TNFAIP2: variants seen among roughly 807,000 people sequenced by gnomAD.
TNFAIP2 encodes the protein TNF alpha induced protein 2, also known as tumor necrosis factor alpha-induced protein 2.
A neutral mutation model predicts 63.5 loss-of-function variants in TNFAIP2; 47 were observed. That is an observed-to-expected ratio of 0.74 (90% CI 0.59 to 0.94). The LOEUF is 0.94. TNFAIP2 is among the 40% of genes least tolerant of loss of function. The probability of loss-of-function intolerance (pLI) is 0.00; values close to 1 mark genes in which losing one functional copy is unlikely to be tolerated. For synonymous variants in TNFAIP2, 405 were observed against 390.2 expected, an observed-to-expected ratio of 1.04 and a Z score of -0.45; for missense variants, 787 against 850.2, an observed-to-expected ratio of 0.93 and a Z score of 0.92.
chr14:103,126,403 G>A lies in TNFAIP2; in HGVS notation c.-55G>A. 7.3e-7 allele frequency: 1 copy of A among 1,367,566 alleles called. No individual in the cohort carries two copies. Among genetic ancestry groups the A allele is most frequent in the Non-Finnish European group, 9.9e-7 (1 of 1,007,200 alleles). 84.7% of individuals were successfully genotyped at this position (1,367,566 alleles called of 1,614,324 possible). A position where few individuals can be genotyped will look rare whatever the true frequency, so the allele number is the denominator to read the frequency against. On this transcript the variant is annotated 5_prime_UTR_variant, in exon 2 of 12. Coordinates refer to ENST00000560869, the MANE Select transcript of TNFAIP2 (RefSeq NM_006291.4). ...AGCCTGTGCCAGGCACCCTCGACTT[G>A]CCTAGAGGCCCCCAAAAGTTGCAGT...
chr14:103,124,162 G>A (rs1195979241), intron 1 of TNFAIP2, among the ~76,000 whole-genome samples: 1 of 152,214 alleles, frequency 6.6e-6, no homozygotes, highest in African/African-American at 2.4e-5. Flanking sequence ...CAGGACACAG[G>A]AGACTCACCC....
intron 9 of TNFAIP2, 89 bp downstream of exon 9, chr14:103,132,961 C>A: frequency 6.4e-7 from 1 of 1,564,840 alleles, no homozygotes; most frequent in Non-Finnish European, 8.7e-7. Context: ...CACTCACGCA[C>A]ATGTGCTCAC....
At chr14:103,122,570 C>A, upstream of TNFAIP2, 1 of 435,728 alleles carries the variant, frequency 2.3e-6, no homozygotes, top group Non-Finnish European at 4.7e-6. Flanking sequence ...CCTTTCCATC[C>A]TCCCCACATG....
In TNFAIP2 at chr14:103,129,832, C is replaced by A; in HGVS notation, c.953C>A (p.Ala318Asp). Reference sequence around the variant, plus strand: ...CCCAGGCAGATCCGACTGCTGGAGGCCACATTCCTGTCCAGTGAGGCGGTG... The same window carrying A: ...CCCAGGCAGATCCGACTGCTGGAGGACACATTCCTGTCCAGTGAGGCGGTG... ...LPPRQIRLLE[A>D]TFLSSEAANV... Residue 318 changes from alanine (A) to aspartate (D), a missense_variant, in exon 4 of 12, where the codon GCC becomes GAC. Ala to Asp is a moderately radical substitution (Grantham distance 126, BLOSUM62 -2). Coordinates refer to ENST00000560869, the MANE Select transcript of TNFAIP2 (RefSeq NM_006291.4). The A allele has an allele frequency of 1.2e-6, 2 of 1,613,978 alleles. No homozygotes were observed. Among genetic ancestry groups the A allele is most frequent in the Non-Finnish European group, 1.7e-6 (2 of 1,179,928 alleles).
In TNFAIP2 at chr14:103,137,076, C is replaced by T. The variant is rs2088108282; in HGVS notation, c.*1716C>T. On this transcript the variant is annotated 3_prime_UTR_variant, in exon 12 of 12. Transcript: ENST00000560869. Reference sequence around the variant, plus strand: ...CCCCAGGAAAATGTGAGCTCGTTTTCCTGCTCGGCATGTGCTCCCCCTAAG... The same window carrying T: ...CCCCAGGAAAATGTGAGCTCGTTTTTCTGCTCGGCATGTGCTCCCCCTAAG... 6.6e-6 allele frequency: 1 copy of T among 152,296 alleles called. No homozygotes were observed. Among genetic ancestry groups the T allele is most frequent in the Admixed American group, 6.5e-5 (1 of 15,284 alleles). The allele number at this position is 152,296 out of a possible 1,614,324, so 9.4% of individuals were successfully genotyped here.
chr14:103,122,461 A>G (rs975035536), upstream of TNFAIP2: 8 of 337,360 alleles, frequency 2.4e-5, no homozygotes, highest in Admixed American at 7.6e-5. Context: ...CCAGCGGGAA[A>G]TTCCTAAATG....
At chr14:103,133,167 C>T (rs536384750) in intron 9 of TNFAIP2, among the ~76,000 whole-genome samples, 195 bp from the exon 10 acceptor site, 3 of 147,076 alleles carry the variant, frequency 2.0e-5, no homozygotes, top group South Asian at 2.1e-4. Context: ...AACACGTGAA[C>T]GCATGCACAT....
intron 6 of TNFAIP2, among the ~76,000 whole-genome samples, chr14:103,130,682 C>G (rs1011777458): frequency 2.0e-5 from 3 of 152,166 alleles, no homozygotes; most frequent in Non-Finnish European, 4.4e-5. Context: ...AAGAGGATAC[C>G]CCAGGAGGGA....
intron 5 of TNFAIP2, 85 bp downstream of exon 5, chr14:103,130,209 C>T: frequency 1.3e-6 from 2 of 1,554,600 alleles, no homozygotes; most frequent in Non-Finnish European, 1.7e-6. Context: ...TGTGCATACC[C>T]ATGCCCACCT....
intron 3 of TNFAIP2, 43 bp from the exon 4 acceptor site, chr14:103,129,697 G>A (rs2087930025): frequency 6.3e-7 from 1 of 1,575,512 alleles, no homozygotes; most frequent in African/African-American, 1.3e-5. Context: ...TGGTGGTGCT[G>A]ATTTGGTATA....
At position 103,127,598 on chromosome 14, in the gene TNFAIP2, C is replaced by A; in HGVS notation, c.829C>A (p.Leu277Met). The change falls in exon 3 of 12, where the codon CTG (leucine) becomes ATG (methionine). Residue 277 changes from leucine (L) to methionine (M), a missense_variant. Physicochemically the swap from Leu to Met is conservative, Grantham distance 15 (BLOSUM62 2). This residue lies in a region of TNFAIP2 where 523 missense variants were observed against 604.1 expected (regional missense o/e 0.87). Coordinates refer to ENST00000560869, the MANE Select transcript of TNFAIP2 (RefSeq NM_006291.4). This position sits in a 1 kb window ranked among gnomAD's most constrained non-coding sequence, Gnocchi z 5.1. Reference protein sequence around the residue: ...FELCERDTYMLLLWVQNLYPN... With the variant: ...FELCERDTYMMLLWVQNLYPN... ...GCTGTGCGAGCGCGACACCTACATG[C>A]TGCTGCTCTGGGTGCAGAACCTCTA... 1 of 1,542,500 alleles carries A rather than the reference C, an allele frequency of 6.5e-7. No individual in the cohort carries two copies.
In TNFAIP2 at chr14:103,123,827, GT is replaced by G. The variant is rs1202717541; in HGVS notation, c.-272del. 2 of 152,350 alleles carry G rather than the reference GT, an allele frequency of 1.3e-5. No individual in the cohort carries two copies. Among genetic ancestry groups the G allele is most frequent in the African/African-American group, 4.8e-5 (2 of 41,466 alleles). 9.4% of individuals were successfully genotyped at this position (152,350 alleles called of 1,614,324 possible). A position where few individuals can be genotyped will look rare whatever the true frequency, so the allele number is the denominator to read the frequency against. ...CACAGGCCGAGTCACTTCCTCGCCC[GT>G]GCCCGGGTGTCCTCATCGGGGGATG... On this transcript the variant is annotated 5_prime_UTR_variant, in exon 1 of 12. Coordinates refer to ENST00000560869, the MANE Select transcript of TNFAIP2 (RefSeq NM_006291.4).
At chr14:103,129,563 A>G (rs565385348) in intron 3 of TNFAIP2, among the ~76,000 whole-genome samples, 177 bp from the exon 4 acceptor site, 13 of 152,066 alleles carry the variant, frequency 8.5e-5, no homozygotes, top group African/African-American at 2.9e-4. Flanking sequence ...TTCTGTTCCA[A>G]ACCAAACTAA....
At position 103,135,733 on chromosome 14, in the gene TNFAIP2, C is replaced by T. The variant is rs577514811; in HGVS notation, c.*373C>T. ...CCACAGTCGGCCTCATGACTGTCCT[C>T]CTCGTGGGTGGGGCCGAGGGCCCTC... On this transcript the variant is annotated 3_prime_UTR_variant, in exon 12 of 12. Coordinates refer to ENST00000560869, the MANE Select transcript of TNFAIP2 (RefSeq NM_006291.4). This position sits in a 1 kb window ranked among gnomAD's most constrained non-coding sequence, Gnocchi z 7.6. The T allele has an allele frequency of 1.0e-5, 13 of 1,259,748 alleles. No homozygotes were observed. The African/African-American group carries it at 1.7e-4, about 16-fold the overall frequency. The allele number at this position is 1,259,748 out of a possible 1,614,324, so 78.0% of individuals were successfully genotyped here. A position where few individuals can be genotyped will look rare whatever the true frequency, so the allele number is the denominator to read the frequency against.
chr14:103,124,017 G>C (rs2087802042), intron 1 of TNFAIP2, 66 bp downstream of exon 1: 1 of 152,452 alleles, frequency 6.6e-6, no homozygotes, highest in Admixed American at 6.5e-5. Flanking sequence ...CACTGGCTGT[G>C]ACCCCTCTAC....
chr14:103,127,396 C>T lies in TNFAIP2; in HGVS notation c.627C>T (p.Gly209=). The part of the protein sequence containing the change: ...EERMGQRPAA[G]AEVPESVFLH... ...GCATGGGCCAGCGGCCGGCCGCGGG[C>T]GCCGAGGTCCCCGAGAGCGTCTTTC... Residue 209 remains glycine (G), a synonymous_variant, in exon 3 of 12, where the codon GGC becomes GGT. Coordinates refer to ENST00000560869, the MANE Select transcript of TNFAIP2 (RefSeq NM_006291.4). This position sits in a 1 kb window ranked among gnomAD's most constrained non-coding sequence, Gnocchi z 5.1. 3.2e-6 allele frequency: 5 copies of T among 1,542,256 alleles called. No individual in the cohort carries two copies. Among genetic ancestry groups the T allele is most frequent in the Non-Finnish European group, 4.3e-6 (5 of 1,150,922 alleles).
chr14:103,123,150 G>A (rs781126015), upstream of TNFAIP2: 4 of 238,220 alleles, frequency 1.7e-5, no homozygotes, highest in Non-Finnish European at 3.5e-5. Context: ...AGGAGCCGTC[G>A]TCGGACAATG....
Position 103,133,497 on chromosome 14 carries a change from C to T in TNFAIP2, c.1681C>T (p.Gln561Ter). Residue 561 changes from glutamine to a stop codon, truncating the protein, a stop_gained, in exon 10 of 12, where the codon CAG becomes TAG. Transcript: ENST00000560869. LOFTEE classifies it high-confidence loss of function. The part of the protein sequence containing the change: ...GYILANADTI[Q>*]HFCTQHGSPA... ...CATCCTGGCCAATGCTGACACCATC[C>T]AGCACTTCTGCACCCAGCACGTAAG... The T allele has an allele frequency of 6.2e-7, 1 of 1,613,924 alleles. No homozygotes were observed. Among genetic ancestry groups the T allele is most frequent in the Middle Eastern group, 1.6e-4 (1 of 6,062 alleles).
Position 103,131,702 on chromosome 14 carries a change from G to A in TNFAIP2, c.1362G>A (p.Leu454=). ...QDTLSLLLGP[L]GELKSHGFDT... The stretch of plus-strand genomic sequence containing the variant: ...CCCTGAGCCTCCTGCTGGGCCCCCT[G>A]GGTGAGCTCAAGAGCCACGGCTTTG... The change falls in exon 8 of 12, where the codon CTG becomes CTA. Residue 454 remains leucine (L), a synonymous_variant. Transcript: ENST00000560869. This position sits in a 1 kb window ranked among gnomAD's most constrained non-coding sequence, Gnocchi z 4.0. The A allele has an allele frequency of 6.2e-7, 1 of 1,610,490 alleles. No homozygotes were observed. The highest frequency in any genetic ancestry group is 8.5e-7 in the Non-Finnish European group (1 of 1,179,708).
Sources: gnomAD v4.1 joint callset for allele counts (sites outside exome capture counted in the v4.1 genomes callset) on GRCh38, gnomAD v4.1.1 for gene constraint, gnomAD v4.1.1 regional missense constraint, Gnocchi (gnomAD v3.1) non-coding constraint, MANE v1.5 for transcripts, NCBI Gene and HGNC (gene_info 2026-07-23, HGNC 2026-07-21) for gene names.